The following SHMT2 variants were observed in gnomAD, a reference collection of about 807,000 sequenced individuals.
The protein encoded by SHMT2 is serine hydroxymethyltransferase 2.
SHMT2 carries 38 observed loss-of-function variants against 59.6 expected under a neutral mutation model. The ratio of observed to expected loss-of-function variants is 0.64; its 90% confidence interval spans 0.49 to 0.84. The LOEUF is 0.84. Among genes scored for constraint, SHMT2 ranks in the 40% least tolerant of loss-of-function variants. The pLI, the probability that SHMT2 is intolerant of heterozygous loss-of-function variation, is 0.00. For missense variants in SHMT2, 533 were observed against 659.5 expected, an observed-to-expected ratio of 0.81 and a Z score of 2.10; for synonymous variants, 254 against 258.1, an observed-to-expected ratio of 0.98 and a Z score of 0.15.
rs560367256 is a variant in SHMT2 at position 57,231,809 on chromosome 12, C to T, written c.408C>T (p.Val136=). Residue 136 remains valine (V), a synonymous_variant, in exon 4 of 12, where the codon GTC becomes GTT. Coordinates refer to ENST00000328923, the MANE Select transcript of SHMT2 (RefSeq NM_005412.6). The part of the protein sequence containing the change: ...AFDLDPAQWG[V]NVQPYSGSPA... ...ACCTGGATCCTGCACAGTGGGGAGTCAATGTCCAGCCCTACTCCGGGTCCC... is the reference window on the plus strand; with the variant it reads ...ACCTGGATCCTGCACAGTGGGGAGTTAATGTCCAGCCCTACTCCGGGTCCC... 1.1e-5 allele frequency: 17 copies of T among 1,614,240 alleles called. No homozygotes were observed. The African/African-American group carries it at 2.0e-4, about 19-fold the overall frequency.
Position 57,232,030 on chromosome 12 carries a change from A to G in SHMT2, c.512+117A>G, listed in dbSNP as rs1328061254. The G allele has an allele frequency of 4.7e-5, 57 of 1,222,834 alleles. 1 individual carries two copies. The highest frequency in any genetic ancestry group is 6.3e-5 in the Non-Finnish European group (54 of 853,722). The allele number at this position is 1,222,834 out of a possible 1,614,324, so 75.7% of individuals were successfully genotyped here. Reference sequence around the variant, plus strand: ...TGGAACAGGCCTTGCCCTGTCCTGCATGTCACAGTGGATGAGGAAGATAAG... The same window carrying G: ...TGGAACAGGCCTTGCCCTGTCCTGCGTGTCACAGTGGATGAGGAAGATAAG... On this transcript the variant is annotated intron_variant, in intron 4 of 11. Transcript: ENST00000328923.
chr12:57,233,212 A>C lies in SHMT2; in HGVS notation c.890A>C (p.Lys297Thr). ...SGLIFYRKGV[K>T]AVDPKTGREI... ...CTCATCTTCTACCGGAAAGGGGTGA[A>C]GGCTGTGGACCCCAAGACTGGCCGG... is the stretch of plus-strand genomic sequence containing the variant. The change falls in exon 8 of 12, where the codon AAG becomes ACG. Residue 297 changes from lysine to threonine, a missense_variant. Physicochemically the swap from Lys to Thr is moderately conservative, Grantham distance 78 (BLOSUM62 -1). Transcript: ENST00000328923. The C allele has an allele frequency of 6.3e-7, 1 of 1,591,398 alleles. No homozygotes were observed. The highest frequency in any genetic ancestry group is 8.6e-7 in the Non-Finnish European group (1 of 1,167,834).
intron 7 of SHMT2, 154 bp from the exon 8 acceptor site, chr12:57,233,026 G>A: frequency 1.6e-6 from 2 of 1,231,066 alleles, no homozygotes; most frequent in African/African-American, 1.5e-5. Flanking sequence ...TTTGTGGATG[G>A]GATTGAGGGG....
intron 4 of SHMT2, 67 bp from the exon 5 acceptor site, chr12:57,232,144 G>A (rs1355308798): frequency 7.1e-7 from 1 of 1,407,662 alleles, no homozygotes; most frequent in Non-Finnish European, 1.0e-6. Flanking sequence ...GAACTGTGGA[G>A]TTGAAGGGAG....
chr12:57,230,958 G>A lies in SHMT2; in HGVS notation c.189G>A (p.Glu63=), dbSNP rs866950450. 2 of 1,613,888 alleles carry A rather than the reference G, an allele frequency of 1.2e-6. No individual in the cohort carries two copies. Among genetic ancestry groups the A allele is most frequent in the Middle Eastern group, 3.4e-4 (2 of 5,838 alleles). The stretch of plus-strand genomic sequence containing the variant: ...AGATGTGGGAGTTGCTGCAGAGGGA[G>A]AAGGACAGGCAGTGTCGTGGCCTGG... ...DPEMWELLQR[E]KDRQCRGLEL... Residue 63 remains glutamate (E), a synonymous_variant, in exon 2 of 12, where the codon GAG becomes GAA. Coordinates refer to ENST00000328923, the MANE Select transcript of SHMT2 (RefSeq NM_005412.6).
rs1299895743 is a variant in SHMT2 at position 57,231,900 on chromosome 12, C to T, written c.499C>T (p.Pro167Ser). ...CGACCGGATCATGGGGCTGGACCTG[C>T]CCGATGGGGGCCAGTGAGTATGGAT... Reference protein sequence around the residue: ...PHDRIMGLDLPDGGHLTHGYM... With the variant: ...PHDRIMGLDLSDGGHLTHGYM... The change falls in exon 4 of 12, where the codon CCC (proline) becomes TCC (serine). Residue 167 changes from proline to serine, a missense_variant. By Grantham distance (74) the Pro-to-Ser change is moderately conservative (BLOSUM62 -1). Coordinates refer to ENST00000328923, the MANE Select transcript of SHMT2 (RefSeq NM_005412.6). 3.7e-6 allele frequency: 6 copies of T among 1,609,218 alleles called. No homozygotes were observed. The highest frequency in any genetic ancestry group is 5.1e-6 in the Non-Finnish European group (6 of 1,177,662).
rs1219115599 is a variant in SHMT2, at chr12:57,231,819, C to A, written c.418C>A (p.Pro140Thr). The A allele has an allele frequency of 1.2e-6, 2 of 1,614,064 alleles. No homozygotes were observed. Among genetic ancestry groups the A allele is most frequent in the Admixed American group, 3.3e-5 (2 of 60,014 alleles). Reference sequence around the variant, plus strand: ...TGCACAGTGGGGAGTCAATGTCCAGCCCTACTCCGGGTCCCCAGCCAACCT... The same window carrying A: ...TGCACAGTGGGGAGTCAATGTCCAGACCTACTCCGGGTCCCCAGCCAACCT... ...DPAQWGVNVQ[P>T]YSGSPANLAV... The change falls in exon 4 of 12, where the codon CCC (proline) becomes ACC (threonine). Residue 140 changes from proline to threonine, a missense_variant. Transcript: ENST00000328923.
chr12:57,234,867 G>C lies in SHMT2; in HGVS notation c.*506G>C, dbSNP rs2136802742. ...AGCCTCCTCTTTCTGTCTCTGATCA[G>C]AGCCGACACCAGACGTGATTAGCAG... is the stretch of plus-strand genomic sequence containing the variant. On this transcript the variant is annotated 3_prime_UTR_variant, in exon 12 of 12. Transcript: ENST00000328923. 1 of 157,236 alleles carries C rather than the reference G, an allele frequency of 6.4e-6. No individual in the cohort carries two copies. The highest frequency in any genetic ancestry group is 1.4e-5 in the Non-Finnish European group (1 of 71,086). 9.7% of individuals were successfully genotyped at this position (157,236 alleles called of 1,614,324 possible). A position where few individuals can be genotyped will look rare whatever the true frequency, so the allele number is the denominator to read the frequency against.
chr12:57,234,066 T>C lies in SHMT2; in HGVS notation c.1343T>C (p.Ile448Thr). The change falls in exon 11 of 12, where the codon ATA becomes ACA. Residue 448 changes from isoleucine (I) to threonine (T), a missense_variant. Physicochemically the swap from Ile to Thr is moderately conservative, Grantham distance 89. Coordinates refer to ENST00000328923, the MANE Select transcript of SHMT2 (RefSeq NM_005412.6). ...GACTTCCGGAGAGTTGTGGACTTTA[T>C]AGATGAAGGGGTCAACATTGGCTTA... ...EDDFRRVVDF[I>T]DEGVNIGLEV... 1.2e-6 allele frequency: 2 copies of C among 1,614,196 alleles called. No homozygotes were observed. The highest frequency in any genetic ancestry group is 1.7e-6 in the Non-Finnish European group (2 of 1,180,036).
chr12:57,232,014 C>A, intron 4 of SHMT2, 101 bp downstream of exon 4: 7 of 1,330,160 alleles, frequency 5.3e-6, no homozygotes, highest in Middle Eastern at 3.7e-4. Flanking sequence ...ATGGAACAGG[C>A]CTTGCCCTGT....
chr12:57,229,756 C>A lies in SHMT2; in HGVS notation c.-23C>A. 1 of 1,614,094 alleles carries A rather than the reference C, an allele frequency of 6.2e-7. No individual in the cohort carries two copies. The highest frequency in any genetic ancestry group is 8.5e-7 in the Non-Finnish European group (1 of 1,179,912). On this transcript the variant is annotated 5_prime_UTR_variant, in exon 1 of 12. Coordinates refer to ENST00000328923, the MANE Select transcript of SHMT2 (RefSeq NM_005412.6). ...CCCTAGACCAGAGTTGGTGGCTGGA[C>A]CTCCTGCGACTTCCGAGTTGCGATG...
chr12:57,232,877 C>T, intron 7 of SHMT2, 34 bp downstream of exon 7: 2 of 1,592,298 alleles, frequency 1.3e-6, no homozygotes, highest in Non-Finnish European at 1.7e-6. Flanking sequence ...TTGCCTTTCC[C>T]TGCCTTCAGG....
intron 1 of SHMT2, chr12:57,230,083 C>T (rs2037248529): frequency 2.2e-6 from 3 of 1,374,166 alleles, no homozygotes; most frequent in Non-Finnish European, 2.8e-6. Context: ...CCCCGGATGC[C>T]CCGCGGACCC....
At chr12:57,234,202 T>C (rs373886002) in intron 11 of SHMT2, 32 bp from the exon 12 acceptor site, 42 of 1,612,082 alleles carry the variant, frequency 2.6e-5, no homozygotes, top group Non-Finnish European at 3.6e-5. Context: ...CCTAGAGCTC[T>C]GACCACTTGT....
intron 7 of SHMT2, 23 bp downstream of exon 7, chr12:57,232,866 C>T (rs1279620441): frequency 6.3e-7 from 1 of 1,595,426 alleles, no homozygotes; most frequent in Non-Finnish European, 8.6e-7. Context: ...GAGGTCGGGC[C>T]TTGCCTTTCC....
intron 10 of SHMT2, 24 bp from the exon 11 acceptor site, chr12:57,233,979 C>T (rs775692177): frequency 6.2e-7 from 1 of 1,614,038 alleles, no homozygotes; most frequent in East Asian, 2.2e-5. Flanking sequence ...CTATGCTCAT[C>T]CCTCCCCTTG....
At chr12:57,230,623 G>A (rs1352197926) in intron 1 of SHMT2, 180 bp from the exon 2 acceptor site, 7 of 1,442,510 alleles carry the variant, frequency 4.9e-6, no homozygotes, top group Non-Finnish European at 5.5e-6. Flanking sequence ...CCCCTTGGAC[G>A]TTGATCTCAA....
In SHMT2 at chr12:57,231,821, C is replaced by T. The variant is rs368291221; in HGVS notation, c.420C>T (p.Pro140=). The T allele has an allele frequency of 1.2e-6, 2 of 1,614,222 alleles. No individual in the cohort carries two copies. Among genetic ancestry groups the T allele is most frequent in the African/African-American group, 2.7e-5 (2 of 75,048 alleles). ...CACAGTGGGGAGTCAATGTCCAGCC[C>T]TACTCCGGGTCCCCAGCCAACCTGG... is the stretch of plus-strand genomic sequence containing the variant. ...DPAQWGVNVQ[P]YSGSPANLAV... The change falls in exon 4 of 12, where the codon CCC becomes CCT. Residue 140 remains proline (P), a synonymous_variant. Coordinates refer to ENST00000328923, the MANE Select transcript of SHMT2 (RefSeq NM_005412.6).
Position 57,231,903 on chromosome 12 carries a change from G to A in SHMT2, c.502G>A (p.Asp168Asn), listed in dbSNP as rs914181473. 1.9e-6 allele frequency: 3 copies of A among 1,608,330 alleles called. No individual in the cohort carries two copies. Among genetic ancestry groups the A allele is most frequent in the Non-Finnish European group, 2.5e-6 (3 of 1,177,174 alleles). Residue 168 changes from aspartate to asparagine, a missense_variant, in exon 4 of 12, where the codon GAT becomes AAT. By Grantham distance (23) the Asp-to-Asn change is conservative. Coordinates refer to ENST00000328923, the MANE Select transcript of SHMT2 (RefSeq NM_005412.6). ...HDRIMGLDLPDGGHLTHGYMS... is the reference protein window; with the variant it reads ...HDRIMGLDLPNGGHLTHGYMS... ...CCGGATCATGGGGCTGGACCTGCCC[G>A]ATGGGGGCCAGTGAGTATGGATGGG...
Sources: allele counts gnomAD v4.1 joint callset, GRCh38; gene constraint gnomAD v4.1.1; transcripts MANE v1.5; gene names NCBI Gene and HGNC (gene_info 2026-07-23, HGNC 2026-07-21).